Variants in CNTN1 observed in about 807,000 individuals in gnomAD.
The protein encoded by CNTN1 is contactin-1.
In CNTN1, 38 loss-of-function variants were observed where a neutral mutation model predicts 126.4. The observed-to-expected ratio is 0.30, with a 90% CI of 0.23 to 0.39. CNTN1 has a LOEUF of 0.39. Among genes scored for constraint, CNTN1 ranks in the 10% least tolerant of loss-of-function variants. The pLI, the probability that CNTN1 is intolerant of heterozygous loss-of-function variation, is 1.00. For missense variants in CNTN1, 1,009 were observed against 1,248.4 expected (o/e 0.81, Z 2.89); for synonymous variants, 413 against 422.6 (o/e 0.98, Z 0.28).
At chr12:40,851,233 C>G (rs1018505078) in intron 1 of CNTN1, among the ~76,000 whole-genome samples, 14 of 152,270 alleles carry the variant, frequency 9.2e-5, no homozygotes, top group African/African-American at 3.4e-4. Context: ...AAAATTAGAG[C>G]TTAGAAATAG....
At chr12:40,729,707 C>A in intron 1 of CNTN1, 1 of 204,750 alleles carries the variant, frequency 4.9e-6, no homozygotes, top group Non-Finnish European at 1.1e-5. Context: ...TGGTGTGATA[C>A]AATCAAGCCA....
intron 1 of CNTN1, among the ~76,000 whole-genome samples, chr12:40,881,453 A>G (rs975775498): frequency 2.6e-5 from 4 of 151,822 alleles, no homozygotes; most frequent in Non-Finnish European, 5.9e-5. Flanking sequence ...GGGCTATACT[A>G]TGGCCAGAGG....
chr12:40,927,820 T>C (rs916913085), intron 6 of CNTN1, among the ~76,000 whole-genome samples: 3 of 152,254 alleles, frequency 2.0e-5, no homozygotes, highest in East Asian at 1.9e-4. Context: ...CCAAGACTTA[T>C]GTTCATACAA....
At chr12:40,931,110 C>T (rs1271503074) in intron 7 of CNTN1, among the ~76,000 whole-genome samples, 5 of 151,964 alleles carry the variant, frequency 3.3e-5, no homozygotes, top group Non-Finnish European at 7.4e-5. Flanking sequence ...AGAAACTTCA[C>T]TACAACACTT....
rs142044935 is a variant in CNTN1 at position 41,041,876 on chromosome 12, G to T, written c.2980+12657G>T. On this transcript the variant is annotated intron_variant, in intron 23 of 23. Coordinates refer to ENST00000551295, the MANE Select transcript of CNTN1 (RefSeq NM_001843.4). Reference sequence around the variant, plus strand: ...CCTTTCAAAAAACTAGCTCCTGGGGGCTTTAATTTTTTGAAGGGTTTTTTC... The same window carrying T: ...CCTTTCAAAAAACTAGCTCCTGGGGTCTTTAATTTTTTGAAGGGTTTTTTC... 3.3e-4 allele frequency among the ~76,000 whole-genome samples: 50 copies of T among 151,834 alleles called. No homozygotes were observed. In the East Asian group the frequency reaches 9.1e-3, roughly 28 times the overall value.
At chr12:40,995,005 C>T (rs1015342645) in intron 17 of CNTN1, among the ~76,000 whole-genome samples, 1 of 151,848 alleles carries the variant, frequency 6.6e-6, no homozygotes, top group Non-Finnish European at 1.5e-5. Context: ...GTTTATTGCC[C>T]ATTAATGAAC....
chr12:40,819,340 A>G (rs1166085502), intron 1 of CNTN1, among the ~76,000 whole-genome samples: 1 of 152,168 alleles, frequency 6.6e-6, no homozygotes, highest in African/African-American at 2.4e-5. Flanking sequence ...CTAGGGGCTC[A>G]GATCCAGGGA....
intron 23 of CNTN1, among the ~76,000 whole-genome samples, chr12:41,049,964 A>G (rs1021700932): frequency 4.6e-5 from 7 of 152,162 alleles, no homozygotes; most frequent in African/African-American, 1.4e-4. Context: ...GAGTAGCACA[A>G]TCTCGGCTTA....
intron 1 of CNTN1, among the ~76,000 whole-genome samples, chr12:40,850,525 C>A (rs1942678721): frequency 6.6e-6 from 1 of 151,732 alleles, no homozygotes; most frequent in Non-Finnish European, 1.5e-5. Flanking sequence ...TCCATCTGTT[C>A]CTTTATCATT....
intron 1 of CNTN1, among the ~76,000 whole-genome samples, chr12:40,883,999 A>G (rs1462848930): frequency 6.6e-6 from 1 of 151,582 alleles, no homozygotes; most frequent in Non-Finnish European, 1.5e-5. Flanking sequence ...TGCTAAGATA[A>G]TAAGGACTGC....
chr12:40,953,942 A>G (rs1946774821), intron 14 of CNTN1, among the ~76,000 whole-genome samples: 1 of 152,136 alleles, frequency 6.6e-6, no homozygotes. Context: ...CAATTATGAT[A>G]CCACAATATG....
chr12:41,069,365 T>C (rs553985924), intron 23 of CNTN1, among the ~76,000 whole-genome samples: 1 of 152,328 alleles, frequency 6.6e-6, no homozygotes, highest in African/African-American at 2.4e-5. Flanking sequence ...TTATGCAAGA[T>C]TTACCTAGCA....
At chr12:41,043,131 A>G (rs1949456720) in intron 23 of CNTN1, among the ~76,000 whole-genome samples, 2 of 152,244 alleles carry the variant, frequency 1.3e-5, no homozygotes, top group Non-Finnish European at 1.5e-5. Context: ...AATGGCAACA[A>G]AAGCCAAAAT....
intron 1 of CNTN1, among the ~76,000 whole-genome samples, chr12:40,772,791 T>C (rs1279287458): frequency 6.6e-6 from 1 of 151,884 alleles, no homozygotes; most frequent in Non-Finnish European, 1.5e-5. Context: ...TAAAAAGTTG[T>C]TGTAATTGTC....
chr12:40,777,015 C>T (rs1268982441), intron 1 of CNTN1, among the ~76,000 whole-genome samples: 2 of 151,556 alleles, frequency 1.3e-5, no homozygotes, highest in Non-Finnish European at 3.0e-5. Flanking sequence ...TTAACTGTCA[C>T]ACCTCTATAA....
chr12:40,766,397 C>A (rs1409517268), intron 1 of CNTN1, among the ~76,000 whole-genome samples: 2 of 150,626 alleles, frequency 1.3e-5, no homozygotes, highest in African/African-American at 4.9e-5. Flanking sequence ...AGCATTCCAG[C>A]ATTTCAAAAG....
rs1950150140 is a variant in CNTN1 at position 41,071,081 on chromosome 12, A to G, written c.*1046A>G. The stretch of plus-strand genomic sequence containing the variant: ...CTACCGTATTCCATTTTGTAAAAAT[A>G]ACAATAATAATAATAATAATAATTA... On this transcript the variant is annotated 3_prime_UTR_variant, in exon 24 of 24. Transcript: ENST00000551295. 2 of 142,964 alleles carry G rather than the reference A, an allele frequency of 1.4e-5. No individual in the cohort carries two copies. The highest frequency in any genetic ancestry group is 2.5e-5 in the African/African-American group (1 of 39,556). The allele number at this position is 142,964 out of a possible 1,614,324, so 8.9% of individuals were successfully genotyped here.
chr12:40,958,599 T>C (rs1427207988), intron 14 of CNTN1, among the ~76,000 whole-genome samples: 1 of 152,074 alleles, frequency 6.6e-6, no homozygotes, highest in Non-Finnish European at 1.5e-5. Flanking sequence ...ACTTATAATT[T>C]GGCAACAGAG....
At chr12:40,910,208 TTAA>T in intron 3 of CNTN1, 103 bp downstream of exon 3, 2 of 917,488 alleles carry the variant, frequency 2.2e-6, no homozygotes, top group Non-Finnish European at 3.5e-6. Flanking sequence ...AGGCAAATGG[TTAA>T]TGTTAGATCA....
Sources: allele counts gnomAD v4.1 joint callset (sites outside exome capture counted in the v4.1 genomes callset), GRCh38; gene constraint gnomAD v4.1.1; transcripts MANE v1.5; gene names NCBI Gene and HGNC (gene_info 2026-07-23, HGNC 2026-07-21).